ASAP1: variants seen among roughly 807,000 people sequenced by gnomAD.
The protein encoded by ASAP1 is ArfGAP with SH3 domain, ankyrin repeat and PH domain 1, also known as arf-GAP with SH3 domain, ANK repeat and PH domain-containing protein 1.
In ASAP1, 43 loss-of-function variants were observed where a neutral mutation model predicts 145.2. The ratio of observed to expected loss-of-function variants is 0.30; its 90% CI spans 0.23 to 0.38. The LOEUF is 0.38. Ranked by LOEUF, ASAP1 falls within the 10% of genes least tolerant of loss-of-function variation. The pLI, the probability that ASAP1 is intolerant of heterozygous loss-of-function variation, is 1.00. For synonymous variants in ASAP1, 546 were observed against 515.5 expected (o/e 1.06, Z -0.80); for missense variants, 1,018 against 1,355.3 (o/e 0.75, Z 3.91).
Position 130,060,788 on chromosome 8 carries a change from G to T in ASAP1, c.2983C>A (p.Leu995Met), listed in dbSNP as rs191674894. 3 of 1,614,196 alleles carry T rather than the reference G, an allele frequency of 1.9e-6. No individual in the cohort carries two copies. Among genetic ancestry groups the T allele is most frequent in the Non-Finnish European group, 2.5e-6 (3 of 1,180,038 alleles). The change falls in exon 28 of 30, where the codon CTG becomes ATG. Residue 995 changes from leucine to methionine, a missense_variant. Around this residue, in one of 9 missense-constraint regions of ASAP1, gnomAD observed 139 missense variants for 131.0 expected, o/e 1.06. Transcript: ENST00000518721. ...QMKDLPPKPQ[L>M]GDLLAKSQTG... is the part of the protein sequence containing the mutation. ...TGGGATTTTGCTAGCAGGTCTCCCA[G>T]CTGTGGTTTGGGGGGCAGGTCCTTC...
chr8:130,361,836 C>A (rs979275548), intron 2 of ASAP1: 6 of 1,157,732 alleles, frequency 5.2e-6, no homozygotes, highest in Non-Finnish European at 6.2e-6. Flanking sequence ...GTGGAGCTGC[C>A]CCGAAATATA....
chr8:130,074,484 CACAG>C (rs1393882554), intron 27 of ASAP1, among the ~76,000 whole-genome samples: 110 of 136,388 alleles, frequency 8.1e-4, no homozygotes, highest in African/African-American at 2.1e-3. Flanking sequence ...CACACACACA[CACAG>C]AGAGAACGAG....
intron 24 of ASAP1, among the ~76,000 whole-genome samples, chr8:130,104,265 T>C (rs998261116): frequency 6.6e-6 from 1 of 152,250 alleles, no homozygotes; most frequent in East Asian, 1.9e-4. Flanking sequence ...CATTTTTAAA[T>C]CTCTGCTAGC....
intron 1 of ASAP1, among the ~76,000 whole-genome samples, chr8:130,405,878 A>G (rs534260847): frequency 2.0e-5 from 3 of 152,360 alleles, no homozygotes; most frequent in African/African-American, 7.2e-5. Flanking sequence ...GTTCATCAGA[A>G]AAAATATTAA....
intron 24 of ASAP1, among the ~76,000 whole-genome samples, chr8:130,109,960 C>CT (rs36069299): frequency 3.5e-4 from 54 of 152,172 alleles, no homozygotes; most frequent in African/African-American, 1.3e-3. Flanking sequence ...CAATTATGGG[C>CT]TTTTTTTGGG....
chr8:130,149,688 CT>C (rs1032787395), intron 13 of ASAP1, among the ~76,000 whole-genome samples: 2 of 152,186 alleles, frequency 1.3e-5, no homozygotes, highest in African/African-American at 4.8e-5. Flanking sequence ...CTTCTCCCCA[CT>C]TTTTCAAAGA....
At chr8:130,081,148 G>C (rs1390576278) in intron 25 of ASAP1, among the ~76,000 whole-genome samples, 2 of 152,224 alleles carry the variant, frequency 1.3e-5, no homozygotes, top group African/African-American at 4.8e-5. Context: ...TGGCAGGAGT[G>C]GGGAAGAGGG....
At chr8:130,389,054 C>T (rs542698156) in intron 2 of ASAP1, among the ~76,000 whole-genome samples, 95 of 152,304 alleles carry the variant, frequency 6.2e-4, no homozygotes, top group African/African-American at 2.3e-3. Flanking sequence ...AGTTAATAAA[C>T]AGCAAGTGCT....
intron 3 of ASAP1, among the ~76,000 whole-genome samples, chr8:130,262,553 A>G (rs1820000423): frequency 1.3e-5 from 2 of 152,112 alleles, no homozygotes; most frequent in Non-Finnish European, 2.9e-5. Flanking sequence ...AAGTATGAAG[A>G]AAGTAGCCTT....
At position 130,313,871 on chromosome 8, in the gene ASAP1, A is replaced by G. The variant is rs117909822; in HGVS notation, c.186+44146T>C. 4.5e-3 allele frequency among the ~76,000 whole-genome samples: 689 copies of G among 152,252 alleles called. 9 individuals are homozygous for G. The highest frequency in any genetic ancestry group is 5.0e-3 in the Non-Finnish European group (343 of 68,024). ...GTAAAGCAGCAGCCTGTCTGCAGTC[A>G]ATGCCACTGCACTCGACACCACGTC... On this transcript the variant is annotated intron_variant, in intron 3 of 29. Coordinates refer to ENST00000518721, the MANE Select transcript of ASAP1 (RefSeq NM_018482.4).
intron 5 of ASAP1, among the ~76,000 whole-genome samples, chr8:130,204,665 C>G (rs117233491): frequency 6.6e-6 from 1 of 152,146 alleles, no homozygotes; most frequent in Non-Finnish European, 1.5e-5. Context: ...AGTATGCATA[C>G]GCTTCTCTAG....
At chr8:130,244,294 G>C (rs1196500245) in intron 3 of ASAP1, among the ~76,000 whole-genome samples, 1 of 152,158 alleles carries the variant, frequency 6.6e-6, no homozygotes, top group Non-Finnish European at 1.5e-5. Flanking sequence ...ACTGGCCTGA[G>C]TACTATGTGA....
At chr8:130,080,114 G>T (rs2097475700) in intron 25 of ASAP1, 143 bp from the exon 26 acceptor site, 3 of 707,466 alleles carry the variant, frequency 4.2e-6, no homozygotes, top group Non-Finnish European at 7.4e-6. Context: ...ATGCATTTCT[G>T]GCCTAAGACC....
In ASAP1 at chr8:130,367,955, A is replaced by AGTTTTCTTCTT. The variant is rs1424000502; in HGVS notation, c.60-9813_60-9812insAAGAAGAAAAC. ...GGGCATTGCTCCACTTGAAACAGGA[A>AGTTTTCTTCTT]AACTGCCCGCCCACTGCAGAGTTTT... On this transcript the variant is annotated intron_variant, in intron 2 of 29. Transcript: ENST00000518721. Among the ~76,000 whole-genome samples, 7 of 152,208 alleles carry AGTTTTCTTCTT rather than the reference A, an allele frequency of 4.6e-5. No homozygotes were observed. In the East Asian group the frequency reaches 1.3e-3, roughly 29 times the overall value.
rs1259968298 is a variant in ASAP1 at position 130,168,978 on chromosome 8, T to G, written c.822+14A>C. 1 of 1,487,030 alleles carries G rather than the reference T, an allele frequency of 6.7e-7. No individual in the cohort carries two copies. The highest frequency in any genetic ancestry group is 2.3e-5 in the East Asian group (1 of 43,752). The allele number at this position is 1,487,030 out of a possible 1,614,324, so 92.1% of individuals were successfully genotyped here. A position where few individuals can be genotyped will look rare whatever the true frequency, so the allele number is the denominator to read the frequency against. The stretch of plus-strand genomic sequence containing the variant: ...AAAGCAAGTTAAACTGCATGTATTT[T>G]ATAAAGAACTTACATTATATAAATC... On this transcript the variant is annotated intron_variant, in intron 10 of 29. Coordinates refer to ENST00000518721, the MANE Select transcript of ASAP1 (RefSeq NM_018482.4).
chr8:130,260,788 T>A (rs187679983), intron 3 of ASAP1, among the ~76,000 whole-genome samples: 1 of 152,218 alleles, frequency 6.6e-6, no homozygotes, highest in African/African-American at 2.4e-5. Context: ...CACTACAGTA[T>A]AAACAAAGGA....
intron 7 of ASAP1, among the ~76,000 whole-genome samples, chr8:130,186,564 C>G (rs1376727775): frequency 3.3e-5 from 5 of 152,092 alleles, no homozygotes; most frequent in Non-Finnish European, 7.3e-5. Context: ...ATGGGCCGAG[C>G]ACCCTGCAAA....
At chr8:130,064,494 G>A (rs1163658519) in intron 27 of ASAP1, among the ~76,000 whole-genome samples, 1 of 152,110 alleles carries the variant, frequency 6.6e-6, no homozygotes, top group Non-Finnish European at 1.5e-5. Flanking sequence ...CCAGTTTTAA[G>A]TAGAGAAGCC....
intron 24 of ASAP1, among the ~76,000 whole-genome samples, chr8:130,097,126 CAAAAAAAAAAAAAAAA>C (rs61591724): frequency 0.012 from 629 of 53,584 alleles, 10 homozygotes; most frequent in South Asian, 0.019. Context: ...AGTTAGTCTC[CAAAAAAAAAAAAAAAA>C]AAAAAAAAAA....
Sources: allele counts gnomAD v4.1 joint callset (sites outside exome capture counted in the v4.1 genomes callset), GRCh38; gene constraint gnomAD v4.1.1; regional missense constraint gnomAD v4.1.1; transcripts MANE v1.5; gene names NCBI Gene and HGNC (gene_info 2026-07-23, HGNC 2026-07-21).